The following APBA1 variants were observed in gnomAD, a reference collection of about 807,000 sequenced individuals.
APBA1 encodes amyloid beta precursor protein binding family A member 1.
A neutral mutation model predicts 86.6 loss-of-function variants in APBA1; 55 were observed. That is an observed-to-expected ratio of 0.64 (90% CI 0.51 to 0.80). The LOEUF is 0.80. Among genes scored for constraint, APBA1 ranks in the 30% least tolerant of loss-of-function variants. APBA1 has a pLI of 0.00. For missense variants in APBA1, 1,090 were observed against 1,183.0 expected, an observed-to-expected ratio of 0.92 and a Z score of 1.15; for synonymous variants, 511 against 493.9, an observed-to-expected ratio of 1.03 and a Z score of -0.46.
At chr9:69,529,238 G>T (rs1836387994) in intron 1 of APBA1, among the ~76,000 whole-genome samples, 1 of 152,010 alleles carries the variant, frequency 6.6e-6, no homozygotes, top group African/African-American at 2.4e-5. Flanking sequence ...TATACTAAAT[G>T]ATTAAAAGCA....
intron 1 of APBA1, among the ~76,000 whole-genome samples, chr9:69,629,763 A>G (rs967823168): frequency 6.6e-6 from 1 of 152,226 alleles, no homozygotes; most frequent in Non-Finnish European, 1.5e-5. Context: ...AAATGAGACT[A>G]TCAGGGTCCC....
chr9:69,590,198 A>G (rs1327116169), intron 1 of APBA1, among the ~76,000 whole-genome samples: 1 of 152,184 alleles, frequency 6.6e-6, no homozygotes, highest in Non-Finnish European at 1.5e-5. Flanking sequence ...CTCCTAGACT[A>G]TGAGTTCCTC....
chr9:69,511,811 A>C (rs1401268444), intron 2 of APBA1, among the ~76,000 whole-genome samples: 1 of 151,934 alleles, frequency 6.6e-6, no homozygotes, highest in African/African-American at 2.4e-5. Flanking sequence ...TTCTCAGTAA[A>C]CTATCGCAAG....
At chr9:69,550,075 A>C (rs1234998643) in intron 1 of APBA1, among the ~76,000 whole-genome samples, 1 of 152,226 alleles carries the variant, frequency 6.6e-6, no homozygotes, top group Non-Finnish European at 1.5e-5. Flanking sequence ...GGTCTAAATT[A>C]GATGAGATAT....
chr9:69,486,339 C>T (rs985589683), intron 2 of APBA1, among the ~76,000 whole-genome samples: 10 of 152,124 alleles, frequency 6.6e-5, no homozygotes, highest in African/African-American at 2.4e-4. Flanking sequence ...GCTCCTGGAA[C>T]TTTCAGGCTG....
chr9:69,643,331 T>A (rs1301418020), intron 1 of APBA1, among the ~76,000 whole-genome samples: 1 of 152,178 alleles, frequency 6.6e-6, no homozygotes, highest in Admixed American at 6.5e-5. Flanking sequence ...TCTCCTGGCA[T>A]ACAATGGGGT....
chr9:69,617,155 A>G (rs1822717069), intron 1 of APBA1, among the ~76,000 whole-genome samples: 1 of 152,172 alleles, frequency 6.6e-6, no homozygotes, highest in South Asian at 2.1e-4. Flanking sequence ...TCATCTCAAA[A>G]CAACTATATA....
At chr9:69,576,981 T>A (rs1287130631) in intron 1 of APBA1, among the ~76,000 whole-genome samples, 2 of 152,208 alleles carry the variant, frequency 1.3e-5, no homozygotes. Context: ...TTAATTTTTA[T>A]TTTTTGATTT....
In APBA1 at chr9:69,431,141, GAAA is replaced by G. The variant is rs772262179; in HGVS notation, c.*183_*185del. 0.044 allele frequency: 12,397 copies of G among 279,502 alleles called. No homozygotes were observed. Among genetic ancestry groups the G allele is most frequent in the Non-Finnish European group, 0.05 (8,070 of 161,586 alleles). 17.3% of individuals were successfully genotyped at this position (279,502 alleles called of 1,614,324 possible). ...GTGCATACGAAACTTCCCTGGTATTGAAAAAAAAAAAAAAAAAAAAGCAAATCG... is the reference window on the plus strand; with the variant it reads ...GTGCATACGAAACTTCCCTGGTATTGAAAAAAAAAAAAAAAAAGCAAATCG... On this transcript the variant is annotated 3_prime_UTR_variant, in exon 13 of 13. Transcript: ENST00000265381.
chr9:69,647,712 T>A (rs2134013327), intron 1 of APBA1, among the ~76,000 whole-genome samples: 1 of 152,352 alleles, frequency 6.6e-6, no homozygotes, highest in East Asian at 1.9e-4. Flanking sequence ...TGCGCCAGAA[T>A]GTATGCTATA....
chr9:69,557,334 T>G (rs926055199), intron 1 of APBA1, among the ~76,000 whole-genome samples: 2 of 152,166 alleles, frequency 1.3e-5, no homozygotes, highest in African/African-American at 4.8e-5. Flanking sequence ...CTTATCTTCA[T>G]CCAGGAAGAA....
rs371002249 is a variant in APBA1, at chr9:69,516,842, C to G, written c.369G>C (p.Arg123=). 6.2e-7 allele frequency: 1 copy of G among 1,603,592 alleles called. No individual in the cohort carries two copies. Among genetic ancestry groups the G allele is most frequent in the Middle Eastern group, 1.7e-4 (1 of 6,058 alleles). The change falls in exon 2 of 13, where the codon CGG becomes CGC. Residue 123 remains arginine, a synonymous_variant. Coordinates refer to ENST00000265381, the MANE Select transcript of APBA1 (RefSeq NM_001163.4). The surrounding 1 kb of genome is among the most constrained non-coding windows in gnomAD (Gnocchi z 7.3). ...GCTCCGTGTACTCCTCGGCCTCGGG[C>G]CGGTACTGCACAGCATAGGCGCTCT... ...EDESAYAVQY[R]PEAEEYTEQA...
intron 1 of APBA1, among the ~76,000 whole-genome samples, chr9:69,640,907 A>AGGAGAGG (rs545382678): frequency 4.8e-4 from 72 of 149,696 alleles, no homozygotes; most frequent in African/African-American, 8.1e-4. Flanking sequence ...ATAAGGAAAG[A>AGGAGAGG]GGAGAGGGGA....
chr9:69,554,851 C>T (rs1420616187), intron 1 of APBA1, among the ~76,000 whole-genome samples: 1 of 151,956 alleles, frequency 6.6e-6, no homozygotes, highest in African/African-American at 2.4e-5. Flanking sequence ...TTTATGAGAG[C>T]TTTTTCTATT....
At chr9:69,471,570 T>C in intron 4 of APBA1, 86 bp downstream of exon 4, 1 of 1,110,694 alleles carries the variant, frequency 9.0e-7, no homozygotes, top group Non-Finnish European at 1.4e-6. Flanking sequence ...TCCCTTCCAT[T>C]GTCTTATATC....
intron 1 of APBA1, among the ~76,000 whole-genome samples, chr9:69,570,277 A>C (rs1358199217): frequency 6.6e-6 from 1 of 152,212 alleles, no homozygotes; most frequent in Admixed American, 6.5e-5. Context: ...CCAGTGGCTG[A>C]GGATGGAGAC....
chr9:69,429,664 T>G lies in APBA1; in HGVS notation c.*1663A>C, dbSNP rs1834554281. On this transcript the variant is annotated 3_prime_UTR_variant, in exon 13 of 13. Coordinates refer to ENST00000265381, the MANE Select transcript of APBA1 (RefSeq NM_001163.4). ...ACAGAACTCTCTGGTTGAAGTCTCT[T>G]GTCCCTAATCTTGTTATAGTCACTT... The G allele has an allele frequency of 1.3e-5, 2 of 152,134 alleles. No homozygotes were observed. Among genetic ancestry groups the G allele is most frequent in the African/African-American group, 4.8e-5 (2 of 41,434 alleles). The allele number at this position is 152,134 out of a possible 1,614,324, so 9.4% of individuals were successfully genotyped here.
chr9:69,613,491 G>T (rs1822634467), intron 1 of APBA1, among the ~76,000 whole-genome samples: 1 of 152,066 alleles, frequency 6.6e-6, no homozygotes, highest in Non-Finnish European at 1.5e-5. Flanking sequence ...GCTGTATCTT[G>T]CTGCACGAGA....
At chr9:69,650,280 G>T (rs1018761563) in intron 1 of APBA1, among the ~76,000 whole-genome samples, 4 of 152,180 alleles carry the variant, frequency 2.6e-5, no homozygotes, top group African/African-American at 9.7e-5. Flanking sequence ...GTTAATGTAG[G>T]TTAAGTGCTT....
Sources: gnomAD v4.1 joint callset for allele counts (sites outside exome capture counted in the v4.1 genomes callset) on GRCh38, gnomAD v4.1.1 for gene constraint, Gnocchi (gnomAD v3.1) non-coding constraint, MANE v1.5 for transcripts, NCBI Gene and HGNC (gene_info 2026-07-23, HGNC 2026-07-21) for gene names.